The following FOXN3 variants were observed in gnomAD, a reference collection of about 807,000 sequenced individuals.
The protein encoded by FOXN3 is forkhead box protein N3.
FOXN3 carries 7 observed loss-of-function variants against 38.4 expected under a neutral mutation model. The observed-to-expected ratio is 0.18, with a 90% CI of 0.10 to 0.34. The LOEUF is 0.34. Among genes scored for constraint, FOXN3 ranks in the 10% least tolerant of loss-of-function variants. The pLI is 1.00. For synonymous variants in FOXN3, 230 were observed against 242.2 expected (o/e 0.95, Z 0.47); for missense variants, 456 against 613.4 (o/e 0.74, Z 2.71).
intron 4 of FOXN3, among the ~76,000 whole-genome samples, chr14:89,264,401 C>T (rs1221327565): frequency 6.6e-6 from 1 of 152,176 alleles, no homozygotes; most frequent in Non-Finnish European, 1.5e-5. Flanking sequence ...GACTTATTCA[C>T]TAACATGACA....
At chr14:89,300,223 T>G in intron 3 of FOXN3, among the ~76,000 whole-genome samples, 1 of 142,022 alleles carries the variant, frequency 7.0e-6, no homozygotes, top group East Asian at 2.2e-4. Context: ...CGCTCTGTCA[T>G]CCAGGCTGGA....
At chr14:89,381,141 G>A (rs1349712434) in intron 2 of FOXN3, among the ~76,000 whole-genome samples, 2 of 62,912 alleles carry the variant, frequency 3.2e-5, no homozygotes, top group Non-Finnish European at 5.6e-5. Context: ...GACTCCCTCC[G>A]TCTCAAAAAA....
intron 3 of FOXN3, among the ~76,000 whole-genome samples, chr14:89,337,194 T>C (rs1396915366): frequency 6.6e-6 from 1 of 152,192 alleles, no homozygotes; most frequent in East Asian, 1.9e-4. Context: ...GTACAAAGAA[T>C]TGCGATCTTC....
At chr14:89,597,023 G>T (rs150334333) in intron 1 of FOXN3, among the ~76,000 whole-genome samples, 229 of 151,874 alleles carry the variant, frequency 1.5e-3, no homozygotes, top group African/African-American at 5.3e-3. Context: ...AAATTTAGTT[G>T]TTCTTTTCTA....
At chr14:89,511,236 CCTTTTCTTTCT>C (rs1566681181) in intron 1 of FOXN3, among the ~76,000 whole-genome samples, 16 of 10,400 alleles carry the variant, frequency 1.5e-3, no homozygotes, top group African/African-American at 2.5e-3. Flanking sequence ...TCTTTTCTTT[CCTTTTCTTTCT>C]TTTCTTTCTT....
rs377546725 is a variant in FOXN3, at chr14:89,335,221, A to G, written c.680+15451T>C. Among the ~76,000 whole-genome samples the G allele has an allele frequency of 5.3e-5, 8 of 152,174 alleles. No homozygotes were observed. The South Asian group carries it at 8.3e-4, about 16-fold the overall frequency. ...ACACTGTACGCCTTAAATATCCACA[A>G]TTTTTATTCATCAATTATATTTCAA... On this transcript the variant is annotated intron_variant, in intron 3 of 5. Transcript: ENST00000557258.
intron 1 of FOXN3, among the ~76,000 whole-genome samples, chr14:89,542,519 A>T (rs1894810238): frequency 6.6e-6 from 1 of 152,128 alleles, no homozygotes; most frequent in African/African-American, 2.4e-5. Flanking sequence ...AATAAACGCA[A>T]CCTGAGGTTA....
intron 1 of FOXN3, among the ~76,000 whole-genome samples, chr14:89,590,645 CCTGT>C (rs1206207779): frequency 2.0e-5 from 3 of 152,184 alleles, no homozygotes; most frequent in Non-Finnish European, 2.9e-5. Flanking sequence ...CTCCTGCTCT[CCTGT>C]CTCTCACCCC....
chr14:89,303,016 A>C (rs1887266947), intron 3 of FOXN3, among the ~76,000 whole-genome samples: 1 of 152,180 alleles, frequency 6.6e-6, no homozygotes, highest in Non-Finnish European at 1.5e-5. Context: ...TTTGTGTATA[A>C]TCCAGTCAAT....
chr14:89,544,681 C>G (rs558991905), intron 1 of FOXN3, among the ~76,000 whole-genome samples: 25 of 152,296 alleles, frequency 1.6e-4, no homozygotes, highest in Non-Finnish European at 2.8e-4. Context: ...CTAAGACCCC[C>G]AGTGGATCCC....
At chr14:89,585,216 T>C (rs555473513) in intron 1 of FOXN3, among the ~76,000 whole-genome samples, 7 of 152,304 alleles carry the variant, frequency 4.6e-5, no homozygotes, top group African/African-American at 1.4e-4. Flanking sequence ...CTTCTTCACC[T>C]ATATTTTTGC....
At chr14:89,476,488 G>A (rs1893211807) in intron 1 of FOXN3, among the ~76,000 whole-genome samples, 1 of 152,204 alleles carries the variant, frequency 6.6e-6, no homozygotes. Flanking sequence ...TATGAGCTTT[G>A]AGCATAGTTG....
At chr14:89,319,215 A>T (rs1217303999) in intron 3 of FOXN3, among the ~76,000 whole-genome samples, 1 of 152,176 alleles carries the variant, frequency 6.6e-6, no homozygotes, top group Non-Finnish European at 1.5e-5. Flanking sequence ...GGTCACCAAG[A>T]CCACCCCCAG....
chr14:89,246,115 G>A (rs1566937828), intron 4 of FOXN3, among the ~76,000 whole-genome samples: 1 of 152,024 alleles, frequency 6.6e-6, no homozygotes, highest in Non-Finnish European at 1.5e-5. Context: ...AAAAAAAACC[G>A]CTGAATTGTA....
intron 2 of FOXN3, among the ~76,000 whole-genome samples, chr14:89,390,490 TAA>T (rs376776864): frequency 1.2e-4 from 15 of 130,150 alleles, no homozygotes; most frequent in South Asian, 2.4e-4. Context: ...AGCTGCTTTT[TAA>T]AAAAAAAAAA....
At chr14:89,367,946 C>A (rs542314748) in intron 2 of FOXN3, among the ~76,000 whole-genome samples, 6 of 152,184 alleles carry the variant, frequency 3.9e-5, no homozygotes, top group Non-Finnish European at 5.9e-5. Context: ...ATGCTCCTCA[C>A]CAATTATGTT....
intron 1 of FOXN3, among the ~76,000 whole-genome samples, chr14:89,552,239 T>A (rs1368110097): frequency 2.0e-5 from 3 of 152,204 alleles, no homozygotes; most frequent in Non-Finnish European, 4.4e-5. Flanking sequence ...TTGTGAAGGA[T>A]ATAACTATTT....
At chr14:89,256,906 G>T (rs991935805) in intron 4 of FOXN3, among the ~76,000 whole-genome samples, 3 of 152,202 alleles carry the variant, frequency 2.0e-5, no homozygotes, top group African/African-American at 7.2e-5. Context: ...TGAGACCTCT[G>T]CAAGTCTACT....
chr14:89,546,221 A>AG (rs1467525742), intron 1 of FOXN3, among the ~76,000 whole-genome samples: 2 of 151,994 alleles, frequency 1.3e-5, no homozygotes, highest in African/African-American at 4.8e-5. Flanking sequence ...TCCTGTAAAT[A>AG]GCCTAGTAAA....
Sources: allele counts gnomAD v4.1 joint callset (sites outside exome capture counted in the v4.1 genomes callset), GRCh38; gene constraint gnomAD v4.1.1; transcripts MANE v1.5; gene names NCBI Gene and HGNC (gene_info 2026-07-23, HGNC 2026-07-21).